The following UBE2L3 variants were observed in gnomAD, a reference collection of about 807,000 sequenced individuals.
UBE2L3 encodes ubiquitin-conjugating enzyme E2 L3.
A neutral mutation model predicts 17.8 loss-of-function variants in UBE2L3; 1 was observed. The ratio of observed to expected loss-of-function variants is 0.06; its 90% CI spans 0.02 to 0.27. The LOEUF is 0.27. Ranked by LOEUF, UBE2L3 falls within the 10% of genes least tolerant of loss-of-function variation. The pLI is 1.00. For synonymous variants in UBE2L3, 44 were observed against 68.5 expected (o/e 0.64, Z 1.76); for missense variants, 40 against 192.6 (o/e 0.21, Z 4.69).
chr22:21,601,340 GTC>G (rs1928847835), intron 2 of UBE2L3, among the ~76,000 whole-genome samples: 1 of 151,486 alleles, frequency 6.6e-6, no homozygotes, highest in African/African-American at 2.4e-5. Flanking sequence ...TTGAGACAGA[GTC>G]TCTCTCGTCC....
chr22:21,616,541 A>G (rs1929784117), intron 3 of UBE2L3, among the ~76,000 whole-genome samples: 1 of 151,720 alleles, frequency 6.6e-6, no homozygotes, highest in Admixed American at 6.6e-5. Context: ...AGTCCCAGCT[A>G]CTCAGGAAGC....
intron 3 of UBE2L3, among the ~76,000 whole-genome samples, chr22:21,621,132 C>T (rs1930022741): frequency 6.6e-6 from 1 of 152,140 alleles, no homozygotes; most frequent in Admixed American, 6.5e-5. Flanking sequence ...GGTGCCACTG[C>T]ACTGCAGCCT....
rs139000529 is a variant in UBE2L3 at position 21,596,948 on chromosome 22, G to A, written c.123+3992G>A. On this transcript the variant is annotated intron_variant, in intron 2 of 3. Transcript: ENST00000342192. ...TTTCTGTTTTCTTCATACTAAGGATGTAGAACATGTTTTTGCATGGTGTGT... is the reference window on the plus strand; with the variant it reads ...TTTCTGTTTTCTTCATACTAAGGATATAGAACATGTTTTTGCATGGTGTGT... Among the ~76,000 whole-genome samples, 1,477 of 152,198 alleles carry A rather than the reference G, an allele frequency of 9.7e-3. 30 individuals are homozygous for A. Among genetic ancestry groups the A allele is most frequent in the African/African-American group, 0.034 (1,408 of 41,520 alleles).
chr22:21,603,041 C>T (rs368289775), intron 2 of UBE2L3, among the ~76,000 whole-genome samples: 5 of 152,060 alleles, frequency 3.3e-5, no homozygotes, highest in African/African-American at 2.4e-5. Flanking sequence ...GGAGATGGCA[C>T]GGAAAAGCAC....
chr22:21,567,165 C>CT (rs112640997), upstream of UBE2L3, among the ~76,000 whole-genome samples: 52 of 147,754 alleles, frequency 3.5e-4, no homozygotes, highest in South Asian at 2.1e-3. Context: ...GGTTATTCAA[C>CT]TTTTTTTTTT....
At chr22:21,579,530 G>C (rs1262788298) in intron 1 of UBE2L3, among the ~76,000 whole-genome samples, 1 of 152,160 alleles carries the variant, frequency 6.6e-6, no homozygotes, top group Non-Finnish European at 1.5e-5. Context: ...CAGCACTTAG[G>C]AAGGCTGAGG....
chr22:21,603,464 A>C (rs1928972225), intron 2 of UBE2L3, among the ~76,000 whole-genome samples: 1 of 137,992 alleles, frequency 7.2e-6, no homozygotes, highest in Non-Finnish European at 1.5e-5. Flanking sequence ...CAGGAGGTGG[A>C]GGCTGCAGTG....
At chr22:21,613,054 G>T (rs1355645060) in intron 3 of UBE2L3, among the ~76,000 whole-genome samples, 1 of 152,174 alleles carries the variant, frequency 6.6e-6, no homozygotes, top group Non-Finnish European at 1.5e-5. Flanking sequence ...AACCCATCGT[G>T]CCTGGGGAGT....
chr22:21,620,694 G>C (rs1473149043), intron 3 of UBE2L3, among the ~76,000 whole-genome samples: 1 of 152,180 alleles, frequency 6.6e-6, no homozygotes, highest in Admixed American at 6.5e-5. Context: ...TTGACAATGT[G>C]ATGCGATGGC....
intron 1 of UBE2L3, among the ~76,000 whole-genome samples, chr22:21,577,588 C>T (rs770406975): frequency 4.6e-5 from 7 of 152,158 alleles, no homozygotes; most frequent in Non-Finnish European, 1.0e-4. Flanking sequence ...AGTGGTGGAG[C>T]CAGGCCCAAC....
intron 2 of UBE2L3, among the ~76,000 whole-genome samples, chr22:21,605,468 C>T (rs1192351349): frequency 1.3e-5 from 2 of 152,068 alleles, no homozygotes; most frequent in East Asian, 1.9e-4. Flanking sequence ...CCACCTGCCT[C>T]GGCCTTTTTT....
chr22:21,616,584 G>A (rs1929786189), intron 3 of UBE2L3, among the ~76,000 whole-genome samples: 2 of 151,746 alleles, frequency 1.3e-5, no homozygotes, highest in South Asian at 2.1e-4. Flanking sequence ...CCCGAGAGGC[G>A]GAGGTTGCAG....
rs574172699 is a variant in UBE2L3, at chr22:21,559,991, C to T, written c.201+10341C>T. On this transcript the variant is annotated intron_variant, in intron 1 of 3. Coordinates refer to the UBE2L3 transcript ENST00000458578. ...CCTGGGCCAGGAGGGTAGTATGGTG[C>T]GAGCTTCTAGCTCTCTGGCTGGGGC... Among the ~76,000 whole-genome samples, 41 of 152,280 alleles carry T rather than the reference C, an allele frequency of 2.7e-4. No individual in the cohort carries two copies. In the East Asian group the frequency reaches 4.3e-3, roughly 16 times the overall value.
intron 2 of UBE2L3, among the ~76,000 whole-genome samples, chr22:21,604,355 C>T (rs1451038994): frequency 6.6e-6 from 1 of 151,996 alleles, no homozygotes; most frequent in Non-Finnish European, 1.5e-5. Flanking sequence ...AAAAATTAGC[C>T]GGACGTGGCA....
intron 1 of UBE2L3, chr22:21,568,414 C>G (rs1308665054): frequency 2.0e-6 from 2 of 985,246 alleles, no homozygotes; most frequent in Non-Finnish European, 2.4e-6. Context: ...AGGTCGGCCC[C>G]GATCGCGGCG....
At position 21,621,660 on chromosome 22, in the gene UBE2L3, T is replaced by C. The variant is rs1310160938; in HGVS notation, c.456T>C (p.Pro152=). 4 of 1,607,824 alleles carry C rather than the reference T, an allele frequency of 2.5e-6. No individual in the cohort carries two copies. Among genetic ancestry groups the C allele is most frequent in the Non-Finnish European group, 2.5e-6 (3 of 1,177,508 alleles). The part of the protein sequence containing the change: ...EFTKKYGEKR[P]VD ...CAAAGAAATATGGGGAAAAGCGACCTGTGGACTAAAATCTGCCACGATTGG... is the reference window on the plus strand; with the variant it reads ...CAAAGAAATATGGGGAAAAGCGACCCGTGGACTAAAATCTGCCACGATTGG... Residue 152 remains proline (P), a synonymous_variant, in exon 4 of 4, where the codon CCT becomes CCC. Coordinates refer to ENST00000342192, the MANE Select transcript of UBE2L3 (RefSeq NM_003347.4).
chr22:21,623,082 A>T lies in UBE2L3; in HGVS notation c.*1413A>T, dbSNP rs1007013835. 1 of 152,324 alleles carries T rather than the reference A, an allele frequency of 6.6e-6. No individual in the cohort carries two copies. The highest frequency in any genetic ancestry group is 1.5e-5 in the Non-Finnish European group (1 of 68,022). The allele number at this position is 152,324 out of a possible 1,614,324, so 9.4% of individuals were successfully genotyped here. On this transcript the variant is annotated 3_prime_UTR_variant, in exon 4 of 4. Transcript: ENST00000342192. The stretch of plus-strand genomic sequence containing the variant: ...GTGTGTCACCAACCCCGCTTCTGCC[A>T]CTGGCGGCTTCCCTTCTTGGCTCTT...
At chr22:21,594,498 G>A (rs1233815854) in intron 2 of UBE2L3, among the ~76,000 whole-genome samples, 2 of 152,068 alleles carry the variant, frequency 1.3e-5, no homozygotes, top group Non-Finnish European at 2.9e-5. Context: ...TCTTGATGCT[G>A]GTTATAAGGT....
chr22:21,600,747 A>G (rs1264034385), intron 2 of UBE2L3, among the ~76,000 whole-genome samples: 1 of 152,150 alleles, frequency 6.6e-6, no homozygotes, highest in Non-Finnish European at 1.5e-5. Flanking sequence ...AAAATCCCCA[A>G]AACCAAGTTG....
Sources: allele counts gnomAD v4.1 joint callset (sites outside exome capture counted in the v4.1 genomes callset), GRCh38; gene constraint gnomAD v4.1.1; transcripts MANE v1.5; gene names NCBI Gene and HGNC (gene_info 2026-07-23, HGNC 2026-07-21).